PDE7B: variants seen among roughly 807,000 people sequenced by gnomAD.
PDE7B encodes the protein phosphodiesterase 7B.
PDE7B carries 29 observed loss-of-function variants against 56.2 expected under a neutral mutation model. The observed-to-expected ratio is 0.52, with a 90% CI of 0.38 to 0.70. The LOEUF (loss-of-function observed/expected upper bound fraction) is 0.70. Among genes scored for constraint, PDE7B ranks in the 30% least tolerant of loss-of-function variants. The probability of loss-of-function intolerance (pLI) is 0.00; values close to 1 mark genes in which losing one functional copy is unlikely to be tolerated. For missense variants in PDE7B, 490 were observed against 565.0 expected (o/e 0.87, Z 1.35); for synonymous variants, 197 against 196.9 (o/e 1.00, Z 0.00).
intron 2 of PDE7B, among the ~76,000 whole-genome samples, chr6:136,099,639 ATTTG>A (rs1327081810): frequency 7.9e-5 from 12 of 152,008 alleles, no homozygotes; most frequent in African/African-American, 1.9e-4. Flanking sequence ...TTTCTTGTAA[ATTTG>A]TTTAAGTTCT....
At chr6:135,897,412 T>C (rs1775922088) in intron 1 of PDE7B, among the ~76,000 whole-genome samples, 1 of 152,108 alleles carries the variant, frequency 6.6e-6, no homozygotes, top group Admixed American at 6.6e-5. Flanking sequence ...CTTTCAAAGC[T>C]CCTTGCCTAC....
chr6:136,160,242 T>C (rs1192798342), intron 8 of PDE7B, among the ~76,000 whole-genome samples: 6 of 152,146 alleles, frequency 3.9e-5, no homozygotes, highest in Admixed American at 6.6e-5. Flanking sequence ...TTCTTAAAGA[T>C]AGACAGACAT....
rs145330188 is a variant in PDE7B, at chr6:136,151,184, G to A, written c.407G>A (p.Cys136Tyr). ...TNGNSLVTLLCHLFNTHGLIH... is the reference protein window; with the variant it reads ...TNGNSLVTLLYHLFNTHGLIH... ...GGAAACAGCCTGGTAACACTGTTGT[G>A]CCACCTCTTCAATACCCATGGACTC... The change falls in exon 6 of 13, where the codon TGC (cysteine) becomes TAC (tyrosine). Residue 136 changes from cysteine to tyrosine, a missense_variant. Transcript: ENST00000308191. 7 of 1,609,832 alleles carry A rather than the reference G, an allele frequency of 4.3e-6. No individual in the cohort carries two copies. In the African/African-American group the frequency reaches 9.4e-5, roughly 22 times the overall value.
rs150940966 is a variant in PDE7B, at chr6:136,037,298, G to T, written c.83-71433G>T. 1.0e-3 allele frequency: 465 copies of T among 460,708 alleles called. 1 individual carries two copies. Among genetic ancestry groups the T allele is most frequent in the Middle Eastern group, 3.4e-3 (3 of 890 alleles). The allele number at this position is 460,708 out of a possible 1,614,324, so 28.5% of individuals were successfully genotyped here. A position where few individuals can be genotyped will look rare whatever the true frequency, so the allele number is the denominator to read the frequency against. On this transcript the variant is annotated intron_variant, in intron 2 of 12. Coordinates refer to ENST00000308191, the MANE Select transcript of PDE7B (RefSeq NM_018945.4). The stretch of plus-strand genomic sequence containing the variant: ...TGCCCATACGCATGAGGATCTTGAT[G>T]CTTCCCGAATTCGCATCTTTCGGAG...
chr6:135,978,522 T>C (rs999617890), intron 2 of PDE7B, among the ~76,000 whole-genome samples: 1 of 152,104 alleles, frequency 6.6e-6, no homozygotes, highest in African/African-American at 2.4e-5. Flanking sequence ...CTTACAATAA[T>C]TTTTTTACTT....
chr6:135,896,190 T>A (rs553796019), intron 1 of PDE7B, among the ~76,000 whole-genome samples: 183 of 152,256 alleles, frequency 1.2e-3, no homozygotes, highest in Non-Finnish European at 2.4e-3. Context: ...ATTCTCCTTG[T>A]GCTGATGAAC....
intron 2 of PDE7B, among the ~76,000 whole-genome samples, chr6:136,005,919 G>A (rs574312601): frequency 6.6e-5 from 10 of 151,758 alleles, no homozygotes; most frequent in South Asian, 2.1e-4. Flanking sequence ...TGTTTATTGC[G>A]GCACTATTCA....
intron 3 of PDE7B, among the ~76,000 whole-genome samples, chr6:136,138,573 T>G (rs1199742890): frequency 1.3e-5 from 2 of 152,308 alleles, no homozygotes; most frequent in East Asian, 3.9e-4. Context: ...AGGATTTTTT[T>G]TCTGGTTAGC....
chr6:136,038,543 GGGTGTAATA>G (rs1451366755), intron 2 of PDE7B: 22 of 1,260,984 alleles, frequency 1.7e-5, no homozygotes, highest in Non-Finnish European at 2.3e-5. Context: ...ATTGACCATG[GGGTGTAATA>G]GGTCACAGGA....
intron 3 of PDE7B, among the ~76,000 whole-genome samples, chr6:136,138,397 G>A (rs530567345): frequency 6.6e-6 from 1 of 152,124 alleles, no homozygotes; most frequent in African/African-American, 2.4e-5. Flanking sequence ...ATTGTTATAT[G>A]AATTTTTTTC....
At chr6:136,010,669 C>T (rs1363421829) in intron 2 of PDE7B, among the ~76,000 whole-genome samples, 1 of 152,024 alleles carries the variant, frequency 6.6e-6, no homozygotes, top group African/African-American at 2.4e-5. Context: ...CGCTCTGTCA[C>T]CAAGGCTGGA....
At chr6:136,142,107 C>T (rs946314001) in intron 3 of PDE7B, among the ~76,000 whole-genome samples, 1 of 152,064 alleles carries the variant, frequency 6.6e-6, no homozygotes, top group East Asian at 1.9e-4. Context: ...TATAAATTTC[C>T]CTCTACACAC....
chr6:135,861,200 T>A (rs1187965048), intron 1 of PDE7B, among the ~76,000 whole-genome samples: 1 of 151,886 alleles, frequency 6.6e-6, no homozygotes, highest in Admixed American at 6.6e-5. Flanking sequence ...GGCCTGTCTT[T>A]TGGTGCACAT....
chr6:136,007,780 G>A (rs1041367228), intron 2 of PDE7B, among the ~76,000 whole-genome samples: 4 of 151,722 alleles, frequency 2.6e-5, no homozygotes, highest in South Asian at 4.2e-4. Context: ...AGTAGTTTCT[G>A]ATGGTTATTT....
At chr6:136,107,139 T>C (rs999856333) in intron 2 of PDE7B, among the ~76,000 whole-genome samples, 42 of 152,186 alleles carry the variant, frequency 2.8e-4, no homozygotes, top group Non-Finnish European at 5.7e-4. Flanking sequence ...AGGGACATTT[T>C]AAGCATATCA....
chr6:136,090,000 C>T (rs1229075051), intron 2 of PDE7B, among the ~76,000 whole-genome samples: 4 of 152,132 alleles, frequency 2.6e-5, no homozygotes, highest in East Asian at 3.9e-4. Flanking sequence ...GTGATACACA[C>T]GGTGATTACT....
At chr6:135,852,118 A>G in intron 1 of PDE7B, 99 bp downstream of exon 1, 1 of 848,138 alleles carries the variant, frequency 1.2e-6, no homozygotes, top group East Asian at 2.4e-5. Flanking sequence ...CTGTACATAT[A>G]TATGTTTTTT....
chr6:135,977,341 G>T (rs1015539100), intron 2 of PDE7B, among the ~76,000 whole-genome samples: 1 of 152,130 alleles, frequency 6.6e-6, no homozygotes, highest in Non-Finnish European at 1.5e-5. Context: ...GAAAACATTT[G>T]ATGAGGGGCC....
chr6:136,029,581 G>C (rs1276841905), intron 2 of PDE7B, among the ~76,000 whole-genome samples: 1 of 152,186 alleles, frequency 6.6e-6, no homozygotes, highest in Non-Finnish European at 1.5e-5. Context: ...AGAGTAGATA[G>C]ACCCAGAGGT....
Sources: allele counts gnomAD v4.1 joint callset (sites outside exome capture counted in the v4.1 genomes callset), GRCh38; gene constraint gnomAD v4.1.1; transcripts MANE v1.5; gene names NCBI Gene and HGNC (gene_info 2026-07-23, HGNC 2026-07-21).